The following PARP9 variants were observed in gnomAD, a reference collection of about 807,000 sequenced individuals.
PARP9 encodes poly(ADP-ribose) polymerase family member 9, also known as protein mono-ADP-ribosyltransferase PARP9.
In PARP9, 48 loss-of-function variants were observed where a neutral mutation model predicts 68.8. The ratio of observed to expected loss-of-function variants is 0.70; its 90% CI spans 0.55 to 0.89. The LOEUF (loss-of-function observed/expected upper bound fraction) is 0.89, where lower values mean the gene tolerates loss of function less well. PARP9 is among the 40% of genes least tolerant of loss of function. The pLI, the probability that PARP9 is intolerant of heterozygous loss-of-function variation, is 0.00. For synonymous variants in PARP9, 309 were observed against 333.8 expected (o/e 0.93, Z 0.81); for missense variants, 806 against 969.3 (o/e 0.83, Z 2.24).
intron 5 of PARP9, 26 bp downstream of exon 5, chr3:122,552,392 T>G: frequency 6.5e-7 from 1 of 1,547,698 alleles, no homozygotes; most frequent in Non-Finnish European, 8.9e-7. Flanking sequence ...TGGAGCTAAA[T>G]AAAGCCACAT....
chr3:122,544,491 C>G (rs1189530372), intron 7 of PARP9, among the ~76,000 whole-genome samples: 1 of 152,082 alleles, frequency 6.6e-6, no homozygotes, highest in Non-Finnish European at 1.5e-5. Context: ...ACTTACAGCA[C>G]TGCCAGGCCA....
intron 10 of PARP9, 104 bp downstream of exon 10, chr3:122,536,064 T>C (rs1484846670): frequency 1.3e-6 from 2 of 1,594,536 alleles, no homozygotes; most frequent in Non-Finnish European, 1.7e-6. Context: ...CAGTCACAAA[T>C]GATCCCTTCC....
chr3:122,539,533 T>TTCTCTCTCTCTCTCTCTCTCTCTCTC (rs1559819097), intron 8 of PARP9, among the ~76,000 whole-genome samples: 1 of 33,948 alleles, frequency 2.9e-5, no homozygotes, highest in African/African-American at 8.6e-5. Context: ...CTTTCTTTCT[T>TTCTCTCTCTCTCTCTCTCTCTCTCTC]TCTTTCTTTC....
At chr3:122,563,648 A>G (rs1247322042) in intron 1 of PARP9, among the ~76,000 whole-genome samples, 3 of 151,892 alleles carry the variant, frequency 2.0e-5, no homozygotes, top group Admixed American at 6.6e-5. Context: ...CCCAGGCCCC[A>G]GGCCCACTCT....
chr3:122,534,551 T>C (rs887976226), intron 10 of PARP9: 2 of 615,070 alleles, frequency 3.3e-6, no homozygotes, highest in Non-Finnish European at 4.1e-6. Context: ...ATATAATGAG[T>C]ATGTTGGGGG....
chr3:122,554,591 T>C (rs1341320413), intron 4 of PARP9, among the ~76,000 whole-genome samples: 2 of 152,200 alleles, frequency 1.3e-5, no homozygotes, highest in Non-Finnish European at 2.9e-5. Context: ...AGCTCTAAGA[T>C]ATAAATGCTA....
At chr3:122,545,388 A>T (rs367928609) in intron 7 of PARP9, 44 bp downstream of exon 7, 19 of 1,589,932 alleles carry the variant, frequency 1.2e-5, no homozygotes, top group Middle Eastern at 1.7e-4. Flanking sequence ...GAATGAGCCA[A>T]TGGTGGGCGA....
intron 1 of PARP9, among the ~76,000 whole-genome samples, chr3:122,562,817 T>C (rs1428539409): frequency 6.6e-6 from 1 of 152,208 alleles, no homozygotes; most frequent in Non-Finnish European, 1.5e-5. Flanking sequence ...AGATATACTA[T>C]TATTATTAAA....
intron 7 of PARP9, among the ~76,000 whole-genome samples, chr3:122,541,691 C>T (rs1047979897): frequency 1.3e-5 from 2 of 152,204 alleles, no homozygotes; most frequent in African/African-American, 2.4e-5. Context: ...ACTCAGGATT[C>T]CTCACAACCT....
intron 3 of PARP9, 109 bp from the exon 4 acceptor site, chr3:122,556,230 G>A: frequency 1.4e-6 from 1 of 722,648 alleles, no homozygotes; most frequent in South Asian, 2.3e-5. Flanking sequence ...TTTCCTATGT[G>A]CAAAAGAGAG....
chr3:122,540,748 C>A lies in PARP9; in HGVS notation c.1489G>T (p.Ala497Ser), dbSNP rs758053332. 6.2e-7 allele frequency: 1 copy of A among 1,614,086 alleles called. No homozygotes were observed. Among genetic ancestry groups the A allele is most frequent in the East Asian group, 2.2e-5 (1 of 44,890 alleles). The change falls in exon 8 of 11, where the codon GCA becomes TCA. Residue 497 changes from alanine (A) to serine (S), a missense_variant. By Grantham distance (99) the Ala-to-Ser change is moderately conservative (BLOSUM62 1). Coordinates refer to ENST00000682323, the MANE Select transcript of PARP9 (RefSeq NM_001146105.2). The stretch of plus-strand genomic sequence containing the variant: ...AGACTCAGGATTCTTTGGATCCATG[C>A]GTGGGCCTCATACATCTCTTCCACG... ...FNVEEMYEAH[A>S]WIQRILSLQN... is the part of the protein sequence containing the mutation.
At position 122,558,479 on chromosome 3, in the gene PARP9, G is replaced by T; in HGVS notation, c.16-12C>A. ...GCTGCTCCGGCCACCTGTGAAAAAT[G>T]AGAATGGCTTTCTTAAAAAATGGAA... is the stretch of plus-strand genomic sequence containing the variant. On this transcript the variant is annotated splice_polypyrimidine_tract_variant and intron_variant, in intron 2 of 10. Transcript: ENST00000682323. 6.2e-7 allele frequency: 1 copy of T among 1,613,436 alleles called. No homozygotes were observed. Among genetic ancestry groups the T allele is most frequent in the Non-Finnish European group, 8.5e-7 (1 of 1,179,598 alleles).
In PARP9 at chr3:122,555,468, T is replaced by C. The variant is rs914232822; in HGVS notation, c.703A>G (p.Ser235Gly). 2 of 1,614,088 alleles carry C rather than the reference T, an allele frequency of 1.2e-6. No individual in the cohort carries two copies. The highest frequency in any genetic ancestry group is 2.7e-5 in the African/African-American group (2 of 74,920). ...ACCAGGTGAATTTCTTTCAAATTAC[T>C]CATCATTGGCTTCCCTTGCAAACTA... ...RVSLQGKPMMSNLKEIHLVSN... is the reference protein window; with the variant it reads ...RVSLQGKPMMGNLKEIHLVSN... The change falls in exon 4 of 11, where the codon AGT (serine) becomes GGT (glycine). Residue 235 changes from serine (S) to glycine (G), a missense_variant. By Grantham distance (56) the Ser-to-Gly change is moderately conservative (BLOSUM62 0). This residue lies in a region of PARP9 where 680 missense variants were observed against 858.8 expected (regional missense o/e 0.79). Transcript: ENST00000682323.
At chr3:122,537,097 T>A in intron 8 of PARP9, 24 bp from the exon 9 acceptor site, 1 of 1,585,838 alleles carries the variant, frequency 6.3e-7, no homozygotes. Flanking sequence ...ACACAAAAAC[T>A]TTACTTCAAT....
At position 122,550,800 on chromosome 3, in the gene PARP9, T is replaced by C; in HGVS notation, c.1110A>G (p.Ile370Met). The change falls in exon 6 of 11, where the codon ATA becomes ATG. Residue 370 changes from isoleucine (I) to methionine (M), a missense_variant and splice_region_variant. Transcript: ENST00000682323. ...AACACTCCTTCATTGCATGTTTTAATATCTGCAGGAAAACACAAATTTAAG... is the reference window on the plus strand; with the variant it reads ...AACACTCCTTCATTGCATGTTTTAACATCTGCAGGAAAACACAAATTTAAG... ...LWHSEFPKPQ[I>M]LKHAMKECLE... 1.9e-6 allele frequency: 3 copies of C among 1,612,278 alleles called. No individual in the cohort carries two copies. The highest frequency in any genetic ancestry group is 2.2e-5 in the East Asian group (1 of 44,864).
intron 8 of PARP9, among the ~76,000 whole-genome samples, chr3:122,538,658 C>CCACACACACA (rs10577699): frequency 1.2e-3 from 172 of 145,026 alleles, no homozygotes; most frequent in Middle Eastern, 3.4e-3. Context: ...TAAAGCAATG[C>CCACACACACA]CACACACACA....
intron 9 of PARP9, 95 bp from the exon 10 acceptor site, chr3:122,536,437 C>T (rs2077648293): frequency 1.3e-6 from 2 of 1,507,240 alleles, no homozygotes; most frequent in African/African-American, 2.8e-5. Context: ...AGCTTATGTG[C>T]ATAATACTAC....
intron 7 of PARP9, among the ~76,000 whole-genome samples, chr3:122,542,625 G>A (rs1469138782): frequency 2.0e-5 from 3 of 149,130 alleles, no homozygotes; most frequent in African/African-American, 4.9e-5. Context: ...GATTACAGGC[G>A]CCCACCACCA....
At chr3:122,532,258 C>T in intron 10 of PARP9, 1 of 985,330 alleles carries the variant, frequency 1.0e-6, no homozygotes. Context: ...GGAATTTCTT[C>T]AGCATGGAAA....
Sources: gnomAD v4.1 joint callset for allele counts (sites outside exome capture counted in the v4.1 genomes callset) on GRCh38, gnomAD v4.1.1 for gene constraint, gnomAD v4.1.1 regional missense constraint, MANE v1.5 for transcripts, NCBI Gene and HGNC (gene_info 2026-07-23, HGNC 2026-07-21) for gene names.